Variants in UXS1 observed in about 807,000 individuals in gnomAD.
The protein encoded by UXS1 is UDP-glucuronate decarboxylase 1, also known as UDP-glucuronic acid decarboxylase 1.
In UXS1, 33 loss-of-function variants were observed where a neutral mutation model predicts 62.6. The ratio of observed to expected loss-of-function variants is 0.53; its 90% CI spans 0.40 to 0.70. UXS1 has a LOEUF of 0.70. UXS1 is among the 30% of genes least tolerant of loss of function. The pLI, the probability that UXS1 is intolerant of heterozygous loss-of-function variation, is 0.00. For synonymous variants in UXS1, 213 were observed against 206.8 expected (o/e 1.03, Z -0.26); for missense variants, 434 against 556.3 (o/e 0.78, Z 2.21).
Position 106,158,074 on chromosome 2 carries a change from T to A in UXS1, c.275A>T (p.Asp92Val). ...CAAACTTACCAAAATTCTTTTCCGA[T>A]CCTTTTCTGATAAAAACTTTACTGG... ...YPPVKFLSEK[D>V]RKRILITGGA... The change falls in exon 5 of 15, where the codon GAT becomes GTT. Residue 92 changes from aspartate (D) to valine (V), a missense_variant. By Grantham distance (152) the Asp-to-Val change is radical. Around this residue, in one of 3 missense-constraint regions of UXS1, gnomAD observed 134 missense variants for 251.9 expected, o/e 0.53. Transcript: ENST00000283148. 1 of 1,566,754 alleles carries A rather than the reference T, an allele frequency of 6.4e-7. No homozygotes were observed. Among genetic ancestry groups the A allele is most frequent in the East Asian group, 2.3e-5 (1 of 42,782 alleles).
intron 1 of UXS1, among the ~76,000 whole-genome samples, chr2:106,174,924 C>A (rs1285625305): frequency 6.6e-6 from 1 of 152,218 alleles, no homozygotes; most frequent in Non-Finnish European, 1.5e-5. Flanking sequence ...CTGTCAAGGG[C>A]TCCAGATTCC....
At chr2:106,177,338 G>A (rs1261683626) in intron 1 of UXS1, among the ~76,000 whole-genome samples, 4 of 151,892 alleles carry the variant, frequency 2.6e-5, no homozygotes, top group Non-Finnish European at 5.9e-5. Context: ...TAGGATTACA[G>A]TTGCGTGCTA....
chr2:106,115,158 A>G (rs1246436994), intron 9 of UXS1, among the ~76,000 whole-genome samples: 2 of 152,154 alleles, frequency 1.3e-5, no homozygotes. Context: ...TGCCACCCAC[A>G]TGCATGGATT....
intron 1 of UXS1, among the ~76,000 whole-genome samples, chr2:106,181,693 G>A (rs1684254112): frequency 2.0e-5 from 3 of 152,132 alleles, no homozygotes; most frequent in Admixed American, 2.0e-4. Context: ...TCCAGCTTGG[G>A]CTACAGAGTG....
intron 1 of UXS1, 106 bp downstream of exon 1, chr2:106,194,042 C>T: frequency 1.2e-6 from 1 of 812,896 alleles, no homozygotes; most frequent in Non-Finnish European, 1.7e-6. Flanking sequence ...CGGGGAGCAA[C>T]GCGGGGCTGC....
At chr2:106,194,105 G>A (rs1385525211) in intron 1 of UXS1, 43 bp downstream of exon 1, 13 of 1,418,298 alleles carry the variant, frequency 9.2e-6, no homozygotes, top group Admixed American at 2.6e-5. Context: ...GCGGCGCCGG[G>A]GAATGAATGG....
chr2:106,146,815 A>G (rs1681615656), intron 5 of UXS1, among the ~76,000 whole-genome samples: 1 of 150,456 alleles, frequency 6.6e-6, no homozygotes, highest in Non-Finnish European at 1.5e-5. Context: ...CTGGATGAAA[A>G]AGATCAAAAA....
At chr2:106,126,169 C>A (rs1679930592) in intron 7 of UXS1, among the ~76,000 whole-genome samples, 1 of 152,194 alleles carries the variant, frequency 6.6e-6, no homozygotes, top group Admixed American at 6.5e-5. Flanking sequence ...TCAGCTTACA[C>A]AGCACCTTTT....
intron 5 of UXS1, among the ~76,000 whole-genome samples, chr2:106,150,598 G>A (rs573911429): frequency 1.3e-3 from 199 of 152,342 alleles, no homozygotes; most frequent in African/African-American, 4.5e-3. Context: ...TGGTGTCCAC[G>A]TGGTGCTCTA....
chr2:106,148,357 T>C (rs1386845676), intron 5 of UXS1, among the ~76,000 whole-genome samples: 1 of 152,254 alleles, frequency 6.6e-6, no homozygotes, highest in Non-Finnish European at 1.5e-5. Flanking sequence ...TTTTTACATT[T>C]AAAAACTTGC....
intron 6 of UXS1, chr2:106,138,635 C>G: frequency 1.0e-6 from 1 of 985,512 alleles, no homozygotes; most frequent in Non-Finnish European, 1.2e-6. Flanking sequence ...TTTTTCCATC[C>G]CCAAAGGCCA....
intron 1 of UXS1, among the ~76,000 whole-genome samples, chr2:106,188,759 C>G (rs1278589530): frequency 6.6e-6 from 1 of 152,208 alleles, no homozygotes; most frequent in Non-Finnish European, 1.5e-5. Context: ...CCTACAGAGT[C>G]CCCCACTCTT....
intron 14 of UXS1, among the ~76,000 whole-genome samples, 157 bp downstream of exon 14, chr2:106,096,561 G>A (rs1558668199): frequency 6.6e-6 from 1 of 152,328 alleles, no homozygotes; most frequent in East Asian, 1.9e-4. Flanking sequence ...TACAGGAGAG[G>A]CTGTTTACCA....
At chr2:106,192,951 G>A (rs577768007) in intron 1 of UXS1, among the ~76,000 whole-genome samples, 16 of 152,212 alleles carry the variant, frequency 1.1e-4, no homozygotes, top group Admixed American at 5.9e-4. Context: ...TTCCTCTTGG[G>A]TCTCAGCTTT....
intron 1 of UXS1, chr2:106,166,348 A>G (rs1446722443): frequency 5.9e-6 from 2 of 338,796 alleles, no homozygotes; most frequent in Non-Finnish European, 1.1e-5. Flanking sequence ...ATATGCTCCC[A>G]TCAGCAGCAG....
chr2:106,154,430 C>A (rs981551078), intron 5 of UXS1, among the ~76,000 whole-genome samples: 6 of 152,186 alleles, frequency 3.9e-5, no homozygotes, highest in Non-Finnish European at 8.8e-5. Flanking sequence ...TAAGGTTATA[C>A]TGGATTAGGG....
intron 1 of UXS1, among the ~76,000 whole-genome samples, chr2:106,176,574 G>A (rs145391463): frequency 1.2e-3 from 185 of 152,330 alleles, no homozygotes; most frequent in African/African-American, 4.4e-3. Context: ...GGCAGCTGCT[G>A]AACGGGAAGC....
intron 1 of UXS1, among the ~76,000 whole-genome samples, chr2:106,187,820 C>T (rs561709785): frequency 6.6e-6 from 1 of 151,746 alleles, no homozygotes; most frequent in South Asian, 2.1e-4. Flanking sequence ...TGGCCCACTG[C>T]AATTTCCGCC....
intron 4 of UXS1, among the ~76,000 whole-genome samples, chr2:106,159,799 C>G (rs1036445429): frequency 3.3e-5 from 5 of 152,176 alleles, no homozygotes; most frequent in African/African-American, 1.2e-4. Flanking sequence ...ACAGAAGCCC[C>G]TGAAGCAGGG....
Sources: allele counts gnomAD v4.1 joint callset (sites outside exome capture counted in the v4.1 genomes callset), GRCh38; gene constraint gnomAD v4.1.1; regional missense constraint gnomAD v4.1.1; transcripts MANE v1.5; gene names NCBI Gene and HGNC (gene_info 2026-07-23, HGNC 2026-07-21).